Variants in PTPN9 observed in about 807,000 individuals in gnomAD.
PTPN9 encodes tyrosine-protein phosphatase non-receptor type 9.
In PTPN9, 26 loss-of-function variants were observed where a neutral mutation model predicts 69.8. That is an observed-to-expected ratio of 0.37 (90% confidence interval 0.27 to 0.52). PTPN9 has a LOEUF of 0.52. Among genes scored for constraint, PTPN9 ranks in the 20% least tolerant of loss-of-function variants. PTPN9 has a pLI of 0.91. For missense variants in PTPN9, 549 were observed against 740.3 expected, an observed-to-expected ratio of 0.74 and a Z score of 3.00; for synonymous variants, 274 against 272.5, an observed-to-expected ratio of 1.01 and a Z score of -0.05.
At chr15:75,497,734 G>A (rs1436477352) in intron 7 of PTPN9, among the ~76,000 whole-genome samples, 4 of 150,682 alleles carry the variant, frequency 2.7e-5, no homozygotes, top group African/African-American at 7.3e-5. Context: ...CCCAGGAGGC[G>A]GAGGTTGCAG....
At chr15:75,509,962 C>T (rs192545455) in intron 5 of PTPN9, among the ~76,000 whole-genome samples, 6 of 152,114 alleles carry the variant, frequency 3.9e-5, no homozygotes, top group South Asian at 4.2e-4. Context: ...CCAGCCTGGG[C>T]GACAAGAGCG....
intron 5 of PTPN9, among the ~76,000 whole-genome samples, chr15:75,517,034 C>T (rs946632895): frequency 2.6e-5 from 4 of 152,112 alleles, no homozygotes; most frequent in East Asian, 1.9e-4. Context: ...TGAGCCATGG[C>T]GCCTGGCCGT....
At chr15:75,509,611 C>G (rs1443537833) in intron 5 of PTPN9, among the ~76,000 whole-genome samples, 1 of 152,116 alleles carries the variant, frequency 6.6e-6, no homozygotes, top group Non-Finnish European at 1.5e-5. Context: ...CACTTGAACC[C>G]AGGAAGCAGA....
At chr15:75,578,136 G>T (rs1204771112) in intron 1 of PTPN9, among the ~76,000 whole-genome samples, 1 of 152,118 alleles carries the variant, frequency 6.6e-6, no homozygotes, top group Non-Finnish European at 1.5e-5. Flanking sequence ...TGAATAGGGG[G>T]GTCAAGGCCA....
chr15:75,520,920 GCTCA>G (rs2074901846), intron 4 of PTPN9, among the ~76,000 whole-genome samples: 1 of 151,238 alleles, frequency 6.6e-6, no homozygotes, highest in African/African-American at 2.5e-5. Flanking sequence ...TCCTCCCAGG[GCTCA>G]GGTGATCCTC....
At chr15:75,513,277 A>T (rs937461774) in intron 5 of PTPN9, 3 of 455,974 alleles carry the variant, frequency 6.6e-6, no homozygotes, top group African/African-American at 6.0e-5. Context: ...AGGACCTTGG[A>T]CATTTAGGTC....
intron 6 of PTPN9, 24 bp downstream of exon 6, chr15:75,508,893 T>TA (rs1270319352): frequency 7.7e-6 from 12 of 1,555,196 alleles, no homozygotes; most frequent in Non-Finnish European, 1.1e-5. Context: ...CACCTCCAGA[T>TA]AAAAAAGGGC....
In PTPN9 at chr15:75,474,531, A is replaced by AAT. The variant is rs1272795498; in HGVS notation, c.1130-766_1130-765dup. ...GAGACTCTGTCTCAAAAAAAAAAAA[A>AAT]ATTAGCTTTATCTTGCAACTTTCTT... On this transcript the variant is annotated intron_variant, in intron 9 of 12. Transcript: ENST00000618819. 2.0e-5 allele frequency among the ~76,000 whole-genome samples: 3 copies of AAT among 152,222 alleles called. No homozygotes were observed. In the East Asian group the frequency reaches 5.8e-4, roughly 29 times the overall value.
intron 7 of PTPN9, among the ~76,000 whole-genome samples, chr15:75,499,428 CAG>C (rs1465876518): frequency 2.2e-5 from 2 of 92,404 alleles, no homozygotes; most frequent in Admixed American, 1.5e-4. Flanking sequence ...TTTTTTGAGA[CAG>C]AGTCTTGCTC....
chr15:75,507,871 C>T (rs1027053070), intron 6 of PTPN9, among the ~76,000 whole-genome samples: 10 of 151,524 alleles, frequency 6.6e-5, no homozygotes, highest in African/African-American at 1.9e-4. Flanking sequence ...GGTGAAACAC[C>T]GTCTCTACTA....
rs2074560814 is a variant in PTPN9 at position 75,470,939 on chromosome 15, T to C, written c.1209-109A>G. 4.5e-6 allele frequency: 6 copies of C among 1,321,714 alleles called. No homozygotes were observed. The East Asian group carries it at 9.3e-5, about 20-fold the overall frequency. The allele number at this position is 1,321,714 out of a possible 1,614,324, so 81.9% of individuals were successfully genotyped here. A position where few individuals can be genotyped will look rare whatever the true frequency, so the allele number is the denominator to read the frequency against. On this transcript the variant is annotated intron_variant, in intron 10 of 12. Transcript: ENST00000618819. ...CCAGGCAGCAATATCATCTCTTGCA[T>C]TGCTTCTAACTTACACCATTGATTC... is the stretch of plus-strand genomic sequence containing the variant.
intron 4 of PTPN9, among the ~76,000 whole-genome samples, chr15:75,519,198 G>A (rs1445956167): frequency 3.3e-5 from 5 of 151,974 alleles, no homozygotes; most frequent in Admixed American, 6.6e-5. Flanking sequence ...AACCTCCGCC[G>A]CCCGGGTTCA....
chr15:75,524,259 G>C lies in PTPN9; in HGVS notation c.247C>G (p.His83Asp), dbSNP rs756467948. The part of the protein sequence containing the change: ...RKEGIVKLKP[H>D]EEPLRSEILS... ...ATCTCAGAACGAAGAGGTTCCTCAT[G>C]AGGTTTCAGCTTTACAATGCCTTCC... Residue 83 changes from histidine to aspartate, a missense_variant, in exon 3 of 13, where the codon CAT becomes GAT. Transcript: ENST00000618819. The C allele has an allele frequency of 5.0e-6, 8 of 1,612,754 alleles. No homozygotes were observed. In the South Asian group the frequency reaches 7.7e-5, roughly 16 times the overall value.
chr15:75,530,036 T>C (rs2074947694), intron 1 of PTPN9, among the ~76,000 whole-genome samples: 1 of 151,500 alleles, frequency 6.6e-6, no homozygotes, highest in African/African-American at 2.4e-5. Context: ...ACCCCGTCTC[T>C]ACTAAAAATA....
chr15:75,508,157 G>T (rs1287505178), intron 6 of PTPN9, among the ~76,000 whole-genome samples: 3 of 151,480 alleles, frequency 2.0e-5, no homozygotes, highest in Admixed American at 2.0e-4. Context: ...TTTAATTGCT[G>T]CAATCAGTAA....
Position 75,475,344 on chromosome 15 carries a change from C to T in PTPN9, c.1130-1577G>A, listed in dbSNP as rs889584771. 4.6e-5 allele frequency among the ~76,000 whole-genome samples: 7 copies of T among 152,104 alleles called. No individual in the cohort carries two copies. The South Asian group carries it at 6.2e-4, about 14-fold the overall frequency. On this transcript the variant is annotated intron_variant, in intron 9 of 12. Coordinates refer to ENST00000618819, the MANE Select transcript of PTPN9 (RefSeq NM_002833.4). Reference sequence around the variant, plus strand: ...CTGTAATCCCAACACTTTGGGAGGCCGAGGCAGGTGGATCACTTGAGGTCA... The same window carrying T: ...CTGTAATCCCAACACTTTGGGAGGCTGAGGCAGGTGGATCACTTGAGGTCA...
At chr15:75,533,144 G>T (rs1034374406) in intron 1 of PTPN9, among the ~76,000 whole-genome samples, 3 of 152,358 alleles carry the variant, frequency 2.0e-5, no homozygotes, top group Admixed American at 6.5e-5. Context: ...AGCTAAGGAA[G>T]AGCTGGAGTT....
chr15:75,505,894 A>AAATT lies in PTPN9; in HGVS notation c.748_749insAATT (p.Phe250Ter). 6.2e-7 allele frequency: 1 copy of AAATT among 1,614,082 alleles called. No homozygotes were observed. The highest frequency in any genetic ancestry group is 8.5e-7 in the Non-Finnish European group (1 of 1,179,986). On this transcript the variant is annotated stop_gained and frameshift_variant, in exon 7 of 13. Coordinates refer to ENST00000618819, the MANE Select transcript of PTPN9 (RefSeq NM_002833.4). LOFTEE classifies it high-confidence loss of function. Reference sequence around the variant, plus strand: ...TGGGTGGCCGTTCACCTGGGGTAGGAACTGGAAATTCCAAGTGGCGAGATC... The same window carrying AAATT: ...TGGGTGGCCGTTCACCTGGGGTAGGAAATTACTGGAAATTCCAAGTGGCGAGATC...
chr15:75,565,672 A>T (rs2075123974), intron 1 of PTPN9, among the ~76,000 whole-genome samples: 1 of 152,216 alleles, frequency 6.6e-6, no homozygotes, highest in Admixed American at 6.6e-5. Context: ...TTTAAATAAG[A>T]TATGGAAGAT....
Sources: gnomAD v4.1 joint callset for allele counts (sites outside exome capture counted in the v4.1 genomes callset) on GRCh38, gnomAD v4.1.1 for gene constraint, MANE v1.5 for transcripts, NCBI Gene and HGNC (gene_info 2026-07-23, HGNC 2026-07-21) for gene names.